EIF2AK3: variants seen among roughly 807,000 people sequenced by gnomAD.
EIF2AK3 encodes the protein eukaryotic translation initiation factor 2 alpha kinase 3.
In EIF2AK3, 50 loss-of-function variants were observed where a neutral mutation model predicts 113.5. The ratio of observed to expected loss-of-function variants is 0.44; its 90% CI spans 0.35 to 0.56. EIF2AK3 has a LOEUF of 0.56. Ranked by LOEUF, EIF2AK3 falls within the 20% of genes least tolerant of loss-of-function variation. EIF2AK3 has a pLI of 0.00. For missense variants in EIF2AK3, 1,185 were observed against 1,378.0 expected (o/e 0.86, Z 2.22); for synonymous variants, 448 against 495.4 (o/e 0.90, Z 1.27).
At chr2:88,583,314 G>A (rs909911390) in intron 10 of EIF2AK3, 116 bp downstream of exon 10, 3 of 717,642 alleles carry the variant, frequency 4.2e-6, no homozygotes, top group Admixed American at 2.5e-5. Context: ...TTTATTTATT[G>A]AGGGTTAAGC....
chr2:88,586,917 G>C (rs900888924), intron 8 of EIF2AK3, among the ~76,000 whole-genome samples: 3 of 149,770 alleles, frequency 2.0e-5, no homozygotes, highest in Non-Finnish European at 4.4e-5. Flanking sequence ...TCAATATCAA[G>C]ATAAAGGAGC....
In EIF2AK3 at chr2:88,590,937, T is replaced by G; in HGVS notation, c.883A>C (p.Ile295Leu). The stretch of plus-strand genomic sequence containing the variant: ...GCTTCCTGTTCTTCCACATCTGAAA[T>G]AATTTTAGACTCTTCTGTGTTCTCA... Reference protein sequence around the residue: ...PNENTEESKIISDVEEQEAAI... With the variant: ...PNENTEESKILSDVEEQEAAI... The change falls in exon 5 of 17, where the codon ATT (isoleucine) becomes CTT (leucine). Residue 295 changes from isoleucine (I) to leucine (L), a missense_variant. Ile to Leu is a conservative substitution (Grantham distance 5). Around this residue, in one of 3 missense-constraint regions of EIF2AK3, gnomAD observed 877 missense variants for 1,024.2 expected, o/e 0.86. Transcript: ENST00000303236. 6.2e-7 allele frequency: 1 copy of G among 1,614,150 alleles called. No individual in the cohort carries two copies. The highest frequency in any genetic ancestry group is 8.5e-7 in the Non-Finnish European group (1 of 1,179,998).
At chr2:88,562,710 C>T (rs1481709106) in intron 14 of EIF2AK3, among the ~76,000 whole-genome samples, 1 of 152,120 alleles carries the variant, frequency 6.6e-6, no homozygotes, top group African/African-American at 2.4e-5. Context: ...GCTCGACTAC[C>T]CCTGAGGTGA....
At chr2:88,607,255 CACAG>C (rs1287679801) in intron 2 of EIF2AK3, among the ~76,000 whole-genome samples, 5 of 152,124 alleles carry the variant, frequency 3.3e-5, no homozygotes, top group African/African-American at 1.2e-4. Context: ...AGTGAGGAAT[CACAG>C]ACAAATTTCC....
intron 1 of EIF2AK3, among the ~76,000 whole-genome samples, chr2:88,622,824 A>T (rs1675761248): frequency 6.6e-6 from 1 of 152,252 alleles, no homozygotes; most frequent in African/African-American, 2.4e-5. Flanking sequence ...TAAATCTGAA[A>T]GTCTGAGGAA....
intron 14 of EIF2AK3, among the ~76,000 whole-genome samples, chr2:88,570,573 G>A (rs1674278460): frequency 6.6e-6 from 1 of 152,218 alleles, no homozygotes; most frequent in African/African-American, 2.4e-5. Flanking sequence ...CAAGGCAAAC[G>A]AGTTAAGTTT....
At chr2:88,601,913 G>A (rs1328594077) in intron 2 of EIF2AK3, among the ~76,000 whole-genome samples, 2 of 144,392 alleles carry the variant, frequency 1.4e-5, no homozygotes, top group Admixed American at 1.4e-4. Flanking sequence ...GTGTAGTGGC[G>A]CAATCTCGGC....
intron 14 of EIF2AK3, among the ~76,000 whole-genome samples, chr2:88,567,327 C>T (rs1190956078): frequency 6.6e-6 from 1 of 151,964 alleles, no homozygotes; most frequent in Non-Finnish European, 1.5e-5. Flanking sequence ...ACTTGTATTT[C>T]CATATCCTTT....
chr2:88,561,673 A>C (rs936188836), intron 15 of EIF2AK3, among the ~76,000 whole-genome samples: 4 of 152,152 alleles, frequency 2.6e-5, no homozygotes, highest in Non-Finnish European at 5.9e-5. Flanking sequence ...TAGACAACAT[A>C]GGCAGAGCCC....
At chr2:88,608,784 C>A (rs569046481) in intron 2 of EIF2AK3, among the ~76,000 whole-genome samples, 1 of 147,658 alleles carries the variant, frequency 6.8e-6, no homozygotes, top group Non-Finnish European at 1.5e-5. Context: ...CCTGACTCAC[C>A]GCAACCTCCG....
At chr2:88,623,222 A>G (rs1443596388) in intron 1 of EIF2AK3, among the ~76,000 whole-genome samples, 3 of 152,232 alleles carry the variant, frequency 2.0e-5, no homozygotes, top group African/African-American at 7.2e-5. Flanking sequence ...ACATAAACAT[A>G]TGTAAAATCT....
intron 13 of EIF2AK3, among the ~76,000 whole-genome samples, chr2:88,573,214 A>C (rs1446562880): frequency 6.6e-6 from 1 of 152,126 alleles, no homozygotes; most frequent in African/African-American, 2.4e-5. Flanking sequence ...AAAAACTAAC[A>C]GGAATATTAA....
intron 2 of EIF2AK3, among the ~76,000 whole-genome samples, chr2:88,604,996 C>A (rs529106535): frequency 6.6e-6 from 1 of 152,024 alleles, no homozygotes; most frequent in Admixed American, 6.6e-5. Flanking sequence ...CTTTTTGATC[C>A]CCGATTTTAT....
chr2:88,570,251 C>A (rs1175407863), intron 14 of EIF2AK3, among the ~76,000 whole-genome samples: 1 of 152,144 alleles, frequency 6.6e-6, no homozygotes, highest in Non-Finnish European at 1.5e-5. Flanking sequence ...ATGTACTGAG[C>A]CCAAAACGTC....
At chr2:88,585,336 G>A (rs879348208) in intron 9 of EIF2AK3, among the ~76,000 whole-genome samples, 1 of 151,868 alleles carries the variant, frequency 6.6e-6, no homozygotes, top group East Asian at 1.9e-4. Flanking sequence ...GGAATGGGAG[G>A]GGAAATGAGG....
At chr2:88,603,107 T>C (rs1250849371) in intron 2 of EIF2AK3, among the ~76,000 whole-genome samples, 2 of 152,082 alleles carry the variant, frequency 1.3e-5, no homozygotes, top group Non-Finnish European at 2.9e-5. Flanking sequence ...ACAGCACACA[T>C]CCAAAACATA....
At chr2:88,597,614 TTGTCAA>T (rs1675049953) in intron 2 of EIF2AK3, among the ~76,000 whole-genome samples, 1 of 152,304 alleles carries the variant, frequency 6.6e-6, no homozygotes, top group South Asian at 2.1e-4. Flanking sequence ...AGTTATGTCA[TTGTCAA>T]TGTCATTTCT....
intron 10 of EIF2AK3, among the ~76,000 whole-genome samples, chr2:88,581,634 A>G (rs1328679884): frequency 6.6e-6 from 1 of 152,222 alleles, no homozygotes; most frequent in Non-Finnish European, 1.5e-5. Flanking sequence ...TGAACAGTGA[A>G]TAACTTCAGT....
chr2:88,612,088 T>C lies in EIF2AK3; in HGVS notation c.438+1636A>G, dbSNP rs560220875. 8.5e-5 allele frequency among the ~76,000 whole-genome samples: 13 copies of C among 152,298 alleles called. No individual in the cohort carries two copies. In the Middle Eastern group the frequency reaches 0.014, roughly 159 times the overall value. On this transcript the variant is annotated intron_variant, in intron 2 of 16. Transcript: ENST00000303236. Reference sequence around the variant, plus strand: ...GAACTGTAGTTTTAAAAACAGCTAATATAACGGCTATGTGTAAGAAAACCT... The same window carrying C: ...GAACTGTAGTTTTAAAAACAGCTAACATAACGGCTATGTGTAAGAAAACCT...
Sources: allele counts gnomAD v4.1 joint callset (sites outside exome capture counted in the v4.1 genomes callset), GRCh38; gene constraint gnomAD v4.1.1; regional missense constraint gnomAD v4.1.1; transcripts MANE v1.5; gene names NCBI Gene and HGNC (gene_info 2026-07-23, HGNC 2026-07-21).